Variants in IL16 observed in about 807,000 individuals in gnomAD.
The protein encoded by IL16 is interleukin 16, also known as pro-interleukin-16.
Under a neutral mutation model 110.1 loss-of-function variants are expected in IL16, and 67 were observed. That is an observed-to-expected ratio of 0.61 (90% CI 0.50 to 0.75). The LOEUF (loss-of-function observed/expected upper bound fraction) is 0.75, where lower values mean the gene tolerates loss of function less well. Ranked by LOEUF, IL16 falls within the 30% of genes least tolerant of loss-of-function variation. The probability of loss-of-function intolerance (pLI) is 0.00; values close to 1 mark genes in which losing one functional copy is unlikely to be tolerated. For missense variants in IL16, 1,545 were observed against 1,655.0 expected (o/e 0.93, Z 1.15); for synonymous variants, 689 against 662.9 (o/e 1.04, Z -0.61).
intron 11 of IL16, 23 bp downstream of exon 11, chr15:81,290,563 A>T (rs368595240): frequency 1.5e-5 from 22 of 1,500,512 alleles, no homozygotes; most frequent in Admixed American, 3.4e-5. Context: ...GTGAACTTTG[A>T]TGTAAAATAT....
At chr15:81,213,996 G>T (rs1446211620) in intron 1 of IL16, among the ~76,000 whole-genome samples, 1 of 150,318 alleles carries the variant, frequency 6.7e-6, no homozygotes, top group Non-Finnish European at 1.5e-5. Flanking sequence ...TATAGTGCCT[G>T]TGGGCTATGT....
intron 2 of IL16, among the ~76,000 whole-genome samples, chr15:81,242,281 C>G (rs1897363880): frequency 6.6e-6 from 1 of 152,112 alleles, no homozygotes; most frequent in Non-Finnish European, 1.5e-5. Flanking sequence ...AAAAGTCTTA[C>G]TGAAGTTTTG....
At chr15:81,230,273 A>T (rs1896926399) in intron 2 of IL16, among the ~76,000 whole-genome samples, 1 of 152,120 alleles carries the variant, frequency 6.6e-6, no homozygotes, top group African/African-American at 2.4e-5. Flanking sequence ...CTTACTGGCT[A>T]CTCCAGCCCC....
rs760754966 is a variant in IL16, at chr15:81,273,188, T to C, written c.774T>C (p.Asp258=). The C allele has an allele frequency of 1.9e-6, 3 of 1,612,152 alleles. No individual in the cohort carries two copies. The highest frequency in any genetic ancestry group is 1.1e-5 in the South Asian group (1 of 90,886). The change falls in exon 6 of 19, where the codon GAT becomes GAC. Residue 258 remains aspartate (D), a synonymous_variant. Coordinates refer to ENST00000683961, the MANE Select transcript of IL16 (RefSeq NM_172217.5). ...TIFAGGAAAA[D]GRLQEGDEIL... is the part of the protein sequence containing the mutation. ...TTGCAGGGGGAGCAGCAGCAGCCGA[T>C]GGAAGGCTACAGGAAGGTAGGCTTC...
chr15:81,292,641 G>T lies in IL16; in HGVS notation c.1506G>T (p.Arg502Ser), dbSNP rs1421461390. Residue 502 changes from arginine to serine, a missense_variant, in exon 12 of 19, where the codon AGG becomes AGT. By Grantham distance (110) the Arg-to-Ser change is moderately radical. Transcript: ENST00000683961. ...REKNSAPPHRRAQKVMIRSSS... is the reference protein window; with the variant it reads ...REKNSAPPHRSAQKVMIRSSS... ...AGAACTCAGCACCCCCGCATCGCAGGGCTCAGAAGGTCATGATCCGCTCCA... is the reference window on the plus strand; with the variant it reads ...AGAACTCAGCACCCCCGCATCGCAGTGCTCAGAAGGTCATGATCCGCTCCA... 1.2e-6 allele frequency: 2 copies of T among 1,612,124 alleles called. No individual in the cohort carries two copies. The highest frequency in any genetic ancestry group is 8.5e-7 in the Non-Finnish European group (1 of 1,178,448).
At chr15:81,302,209 A>G (rs1900322278) in intron 15 of IL16, 1 of 152,258 alleles carries the variant, frequency 6.6e-6, no homozygotes, top group Non-Finnish European at 1.5e-5. Flanking sequence ...TTTCCATACA[A>G]GGAGGCCTCA....
At chr15:81,247,411 C>T (rs534450570) in intron 2 of IL16, among the ~76,000 whole-genome samples, 1 of 152,228 alleles carries the variant, frequency 6.6e-6, no homozygotes, top group Non-Finnish European at 1.5e-5. Context: ...ATGATTTCTT[C>T]TTTGACCCAT....
intron 1 of IL16, among the ~76,000 whole-genome samples, chr15:81,197,533 G>A (rs1023820333): frequency 1.8e-4 from 28 of 152,074 alleles, no homozygotes; most frequent in Non-Finnish European, 3.8e-4. Context: ...GAAAGGCCAC[G>A]GGGCACCTGA....
At chr15:81,264,540 G>A (rs929349917) in intron 3 of IL16, among the ~76,000 whole-genome samples, 11 of 152,250 alleles carry the variant, frequency 7.2e-5, no homozygotes, top group African/African-American at 2.4e-4. Flanking sequence ...GCTCCATCCT[G>A]TGTTTCCTTT....
intron 8 of IL16, among the ~76,000 whole-genome samples, chr15:81,280,018 T>A (rs181027978): frequency 6.6e-6 from 1 of 152,180 alleles, no homozygotes; most frequent in Admixed American, 6.5e-5. Flanking sequence ...AAAGAAAAAC[T>A]CAAACACAAA....
chr15:81,245,514 T>C (rs1897506908), intron 2 of IL16, among the ~76,000 whole-genome samples: 1 of 152,182 alleles, frequency 6.6e-6, no homozygotes, highest in African/African-American at 2.4e-5. Flanking sequence ...CCCATCGCTC[T>C]ACTCAGCCTT....
rs571370371 is a variant in IL16, at chr15:81,186,107, A to G, written c.40+3211A>G. On this transcript the variant is annotated intron_variant, in intron 1 of 18. Transcript: ENST00000302987. ...GCCAACCCCTCAGTGTGCATCCCTCACTACCAGAGGCCTCGCCCTGAACCC... is the reference window on the plus strand; with the variant it reads ...GCCAACCCCTCAGTGTGCATCCCTCGCTACCAGAGGCCTCGCCCTGAACCC... Among the ~76,000 whole-genome samples the G allele has an allele frequency of 1.2e-4, 19 of 152,244 alleles. No homozygotes were observed. In the East Asian group the frequency reaches 3.3e-3, roughly 26 times the overall value.
chr15:81,277,820 G>A (rs1021622071), intron 6 of IL16, among the ~76,000 whole-genome samples: 5 of 152,176 alleles, frequency 3.3e-5, no homozygotes, highest in Admixed American at 2.6e-4. Flanking sequence ...AGGTCCAGAA[G>A]TCAGTGTAAA....
chr15:81,188,776 T>G (rs570904774), intron 1 of IL16, among the ~76,000 whole-genome samples: 1 of 151,976 alleles, frequency 6.6e-6, no homozygotes, highest in Non-Finnish European at 1.5e-5. Context: ...TCTCTTCCTC[T>G]TCTCATCCCT....
chr15:81,192,810 C>A (rs1447549574), upstream of IL16, among the ~76,000 whole-genome samples: 1 of 151,908 alleles, frequency 6.6e-6, no homozygotes, highest in Non-Finnish European at 1.5e-5. Flanking sequence ...AGGAGGGTGG[C>A]GGCAGTGAAG....
chr15:81,306,493 G>T lies in IL16; in HGVS notation c.3753G>T (p.Gly1251=), dbSNP rs1367263172. 3 of 1,613,330 alleles carry T rather than the reference G, an allele frequency of 1.9e-6. No individual in the cohort carries two copies. The South Asian group carries it at 3.3e-5, about 18-fold the overall frequency. The change falls in exon 18 of 19, where the codon GGG becomes GGT. Residue 1251 remains glycine, a synonymous_variant. Coordinates refer to ENST00000683961, the MANE Select transcript of IL16 (RefSeq NM_172217.5). ...GGCTGGGCTTCAGCCTGGAAGGAGGGAAGGGCTCCCTACACGGAGACAAGC... is the reference window on the plus strand; with the variant it reads ...GGCTGGGCTTCAGCCTGGAAGGAGGTAAGGGCTCCCTACACGGAGACAAGC... ...SAGLGFSLEG[G]KGSLHGDKPL...
chr15:81,290,591 G>T lies in IL16; in HGVS notation c.1420+51G>T, dbSNP rs541062221. ...TAAAATATCTTTGCCTTCTTAGAAA[G>T]CTTAGGATTTATCCATTAACTCATC... On this transcript the variant is annotated intron_variant, in intron 11 of 18. Coordinates refer to ENST00000683961, the MANE Select transcript of IL16 (RefSeq NM_172217.5). 3.1e-6 allele frequency: 4 copies of T among 1,292,864 alleles called. No homozygotes were observed. The East Asian group carries it at 7.0e-5, about 23-fold the overall frequency. 80.1% of individuals were successfully genotyped at this position (1,292,864 alleles called of 1,614,324 possible). A position where few individuals can be genotyped will look rare whatever the true frequency, so the allele number is the denominator to read the frequency against.
chr15:81,199,028 A>AT (rs1555411587), intron 1 of IL16, among the ~76,000 whole-genome samples: 32 of 93,696 alleles, frequency 3.4e-4, no homozygotes, highest in Non-Finnish European at 5.5e-4. Context: ...TCAAAAAAAA[A>AT]AAATATATAT....
At chr15:81,227,946 TG>T (rs1399436753) in intron 2 of IL16, among the ~76,000 whole-genome samples, 1 of 152,000 alleles carries the variant, frequency 6.6e-6, no homozygotes, top group African/African-American at 2.4e-5. Flanking sequence ...CTTGAGCACC[TG>T]GGGGTAGTAG....
Sources: gnomAD v4.1 joint callset for allele counts (sites outside exome capture counted in the v4.1 genomes callset) on GRCh38, gnomAD v4.1.1 for gene constraint, MANE v1.5 for transcripts, NCBI Gene and HGNC (gene_info 2026-07-23, HGNC 2026-07-21) for gene names.